NPAS3: variants seen among roughly 807,000 people sequenced by gnomAD.
The protein encoded by NPAS3 is neuronal PAS domain protein 3.
In NPAS3, 14 loss-of-function variants were observed where a neutral mutation model predicts 73.1. That is an observed-to-expected ratio of 0.19 (90% CI 0.13 to 0.30). The LOEUF is 0.30. Ranked by LOEUF, NPAS3 falls within the 10% of genes least tolerant of loss-of-function variation. The pLI is 1.00. For synonymous variants in NPAS3, 620 were observed against 541.5 expected (o/e 1.14, Z -2.01); for missense variants, 1,096 against 1,250.0 (o/e 0.88, Z 1.86).
At chr14:33,781,771 G>C (rs566144183) in intron 9 of NPAS3, among the ~76,000 whole-genome samples, 1 of 152,242 alleles carries the variant, frequency 6.6e-6, no homozygotes, top group Admixed American at 6.5e-5. Context: ...TTTTTTAAAA[G>C]ACTTAATAGT....
At chr14:33,786,030 A>C (rs1945742741) in intron 9 of NPAS3, among the ~76,000 whole-genome samples, 1 of 152,172 alleles carries the variant, frequency 6.6e-6, no homozygotes, top group South Asian at 2.1e-4. Flanking sequence ...CTTGTGTCTC[A>C]TAGTCCCGTG....
chr14:33,628,872 C>T (rs2058295239), intron 5 of NPAS3, among the ~76,000 whole-genome samples: 1 of 152,168 alleles, frequency 6.6e-6, no homozygotes, highest in Non-Finnish European at 1.5e-5. Flanking sequence ...AGTTCAGTAA[C>T]TTTTTCACTT....
intron 5 of NPAS3, among the ~76,000 whole-genome samples, chr14:33,636,936 G>A (rs755952094): frequency 7.4e-6 from 1 of 135,616 alleles, no homozygotes; most frequent in Non-Finnish European, 1.5e-5. Context: ...CAGAGTAATT[G>A]CAGGTTTAAA....
chr14:33,787,395 A>G (rs989213912), intron 9 of NPAS3, among the ~76,000 whole-genome samples: 7 of 152,204 alleles, frequency 4.6e-5, no homozygotes, highest in African/African-American at 1.7e-4. Context: ...GGCAGTGTAT[A>G]GGAAAAAACC....
chr14:33,640,707 G>T (rs2058652759), intron 5 of NPAS3, among the ~76,000 whole-genome samples: 2 of 152,168 alleles, frequency 1.3e-5, no homozygotes, highest in Non-Finnish European at 2.9e-5. Context: ...TTGGGGAAAT[G>T]GGGGAGAACA....
intron 7 of NPAS3, among the ~76,000 whole-genome samples, chr14:33,769,954 G>A (rs542007235): frequency 1.3e-5 from 2 of 151,644 alleles, no homozygotes; most frequent in East Asian, 3.9e-4. Context: ...TGTAGAGATG[G>A]GAGTCTCCCT....
chr14:33,730,282 A>G (rs2061368140), intron 6 of NPAS3, among the ~76,000 whole-genome samples: 2 of 152,196 alleles, frequency 1.3e-5, no homozygotes, highest in Admixed American at 6.5e-5. Flanking sequence ...TTGGAGTCCG[A>G]CAAACATTTG....
intron 7 of NPAS3, among the ~76,000 whole-genome samples, chr14:33,739,412 T>C (rs2061601472): frequency 6.6e-6 from 1 of 152,198 alleles, no homozygotes; most frequent in Admixed American, 6.5e-5. Flanking sequence ...CACTAGTTTA[T>C]TAGGATCGCT....
chr14:33,447,246 T>TG (rs1322210170), intron 4 of NPAS3, among the ~76,000 whole-genome samples: 1 of 152,194 alleles, frequency 6.6e-6, no homozygotes, highest in African/African-American at 2.4e-5. Context: ...GTGGGTAAGA[T>TG]GTCACATGAA....
intron 5 of NPAS3, 52 bp downstream of exon 5, chr14:33,560,262 C>T: frequency 1.3e-6 from 1 of 794,224 alleles, no homozygotes; most frequent in Non-Finnish European, 2.2e-6. Context: ...CCTTCTTCAG[C>T]CTCATGTTTT....
At chr14:33,178,229 C>G (rs1358229921) in intron 2 of NPAS3, among the ~76,000 whole-genome samples, 5 of 151,940 alleles carry the variant, frequency 3.3e-5, no homozygotes, top group Non-Finnish European at 7.4e-5. Flanking sequence ...TGCACACCAC[C>G]ACACCCAGCA....
chr14:33,685,965 T>C (rs182625979), intron 6 of NPAS3, among the ~76,000 whole-genome samples: 97 of 152,216 alleles, frequency 6.4e-4, no homozygotes, highest in African/African-American at 2.2e-3. Flanking sequence ...ATGTGACATC[T>C]TCCATTAGGA....
At position 33,689,161 on chromosome 14, in the gene NPAS3, T is replaced by G. The variant is rs139496827; in HGVS notation, c.733+12776T>G. On this transcript the variant is annotated intron_variant, in intron 6 of 11. Transcript: ENST00000356141. The stretch of plus-strand genomic sequence containing the variant: ...TTCACCTCCTGACTCTGTCACTTAC[T>G]ATATATGTGACCTTGAGCAAGTGAA... 2.0e-5 allele frequency among the ~76,000 whole-genome samples: 3 copies of G among 152,340 alleles called. No individual in the cohort carries two copies. The East Asian group carries it at 5.8e-4, about 29-fold the overall frequency.
chr14:33,348,155 T>C (rs980125654), intron 3 of NPAS3, among the ~76,000 whole-genome samples: 9 of 152,224 alleles, frequency 5.9e-5, no homozygotes, highest in Non-Finnish European at 1.0e-4. Context: ...AAATCAAGAC[T>C]CAGCAAGCCT....
intron 6 of NPAS3, among the ~76,000 whole-genome samples, chr14:33,697,347 T>C (rs2060411678): frequency 1.3e-5 from 2 of 152,182 alleles, no homozygotes; most frequent in Admixed American, 1.3e-4. Context: ...AAGAATATCA[T>C]CCAGGGGGTT....
At chr14:32,973,533 ATTT>A (rs71432099) in intron 1 of NPAS3, among the ~76,000 whole-genome samples, 20 of 128,914 alleles carry the variant, frequency 1.6e-4, no homozygotes, top group African/African-American at 4.9e-4. Context: ...GTATATTTTG[ATTT>A]TTTTTTTTTT....
intron 6 of NPAS3, among the ~76,000 whole-genome samples, chr14:33,709,661 A>C (rs1332658133): frequency 6.6e-6 from 1 of 152,198 alleles, no homozygotes; most frequent in Non-Finnish European, 1.5e-5. Flanking sequence ...GGGAGTCCAC[A>C]TATCACCATT....
chr14:33,255,989 T>G (rs1348995795), intron 3 of NPAS3, among the ~76,000 whole-genome samples: 1 of 152,142 alleles, frequency 6.6e-6, no homozygotes. Flanking sequence ...TAAATTCAAG[T>G]ATAGAGAGGA....
chr14:33,266,028 C>T (rs1216984995), intron 3 of NPAS3, among the ~76,000 whole-genome samples: 3 of 151,530 alleles, frequency 2.0e-5, no homozygotes, highest in South Asian at 2.1e-4. Context: ...TACATATACA[C>T]ACACATTTAT....
Sources: allele counts gnomAD v4.1 joint callset (sites outside exome capture counted in the v4.1 genomes callset), GRCh38; gene constraint gnomAD v4.1.1; transcripts MANE v1.5; gene names NCBI Gene and HGNC (gene_info 2026-07-23, HGNC 2026-07-21).